Variants in PCDHGA9 observed in about 807,000 individuals in gnomAD.
PCDHGA9 encodes protocadherin gamma subfamily A, 9.
PCDHGA9 carries 37 observed loss-of-function variants against 62.5 expected under a neutral mutation model. The ratio of observed to expected loss-of-function variants is 0.59; its 90% CI spans 0.46 to 0.78. PCDHGA9 has a LOEUF of 0.78. Among genes scored for constraint, PCDHGA9 ranks in the 30% least tolerant of loss-of-function variants. The probability of loss-of-function intolerance (pLI) is 0.00; values close to 1 mark genes in which losing one functional copy is unlikely to be tolerated. For synonymous variants in PCDHGA9, 459 were observed against 484.6 expected (o/e 0.95, Z 0.69); for missense variants, 1,138 against 1,166.2 (o/e 0.98, Z 0.35).
chr5:141,415,496 T>C, intron 1 of PCDHGA9: 1 of 1,614,070 alleles, frequency 6.2e-7, no homozygotes. Flanking sequence ...CACCTGATCT[T>C]CCCCCAGCCC....
Position 141,490,151 on chromosome 5 carries a change from T to A in PCDHGA9, c.2425-4656T>A, listed in dbSNP as rs1449636059. 6.2e-6 allele frequency: 10 copies of A among 1,614,210 alleles called. No homozygotes were observed. The highest frequency in any genetic ancestry group is 8.5e-6 in the Non-Finnish European group (10 of 1,180,018). On this transcript the variant is annotated intron_variant, in intron 1 of 3. Transcript: ENST00000573521. This position sits in a 1 kb window ranked among gnomAD's most constrained non-coding sequence, Gnocchi z 5.4. ...GACCCTAGCAGTGGGGCAATCCATG[T>A]GTTGGGTCCCATAGACTTTGAGGAG... is the stretch of plus-strand genomic sequence containing the variant.
chr5:141,504,956 G>A (rs1327603937), intron 2 of PCDHGA9, among the ~76,000 whole-genome samples: 1 of 152,096 alleles, frequency 6.6e-6, no homozygotes, highest in Non-Finnish European at 1.5e-5. Context: ...TATGTTCAAT[G>A]CATTGGACCA....
intron 1 of PCDHGA9, chr5:141,414,354 T>C (rs1389145668): frequency 1.2e-6 from 2 of 1,613,800 alleles, no homozygotes; most frequent in Admixed American, 1.7e-5. Flanking sequence ...TTTTGGCGTA[T>C]CTACCATTTA....
At position 141,476,668 on chromosome 5, in the gene PCDHGA9, G is replaced by A; in HGVS notation, c.2425-18139G>A. The A allele has an allele frequency of 6.2e-7, 1 of 1,614,262 alleles. No individual in the cohort carries two copies. Among genetic ancestry groups the A allele is most frequent in the Non-Finnish European group, 8.5e-7 (1 of 1,180,054 alleles). On this transcript the variant is annotated intron_variant, in intron 1 of 3. Transcript: ENST00000573521. This position sits in a 1 kb window ranked among gnomAD's most constrained non-coding sequence, Gnocchi z 7.6. ...GAAATGAATACTTTGCGCTTCGCGT[G>A]CAGACGCGGGAGGACAGCACCAAGT...
At chr5:141,414,198 A>G (rs1561747621) in intron 1 of PCDHGA9, 2 of 1,611,542 alleles carry the variant, frequency 1.2e-6, no homozygotes, top group Non-Finnish European at 1.7e-6. Flanking sequence ...TGATTACAGT[A>G]GAAGATGTAA....
intron 1 of PCDHGA9, among the ~76,000 whole-genome samples, chr5:141,479,138 T>G (rs1469363480): frequency 6.6e-6 from 1 of 152,232 alleles, no homozygotes; most frequent in Non-Finnish European, 1.5e-5. Flanking sequence ...GCACCCTGCT[T>G]ACAAAATATT....
In PCDHGA9 at chr5:141,409,805, C is replaced by G. The variant is rs751397816; in HGVS notation, c.2424+4429C>G. ...CGCCTTCGCGCTCACGCTGCAGGCC[C>G]GCGACCACGGCTCGCCCACGCTCAG... On this transcript the variant is annotated intron_variant, in intron 1 of 3. Coordinates refer to ENST00000573521, the MANE Select transcript of PCDHGA9 (RefSeq NM_018921.3). 8 of 1,611,512 alleles carry G rather than the reference C, an allele frequency of 5.0e-6. No individual in the cohort carries two copies. In the African/African-American group the frequency reaches 5.3e-5, roughly 11 times the overall value.
At chr5:141,474,807 A>C (rs945920397) in intron 1 of PCDHGA9, among the ~76,000 whole-genome samples, 8 of 152,364 alleles carry the variant, frequency 5.3e-5, no homozygotes, top group Admixed American at 1.3e-4. Context: ...AGTGGTTTGC[A>C]TCATTAATTG....
Position 141,476,241 on chromosome 5 carries a change from A to G in PCDHGA9, c.2425-18566A>G, listed in dbSNP as rs375405507. ...CACTATGAGATCCCGGAGGAAAGAG[A>G]GAAGGGTTTCGCTGTGGGCAACGTG... On this transcript the variant is annotated intron_variant, in intron 1 of 3. Transcript: ENST00000573521. The surrounding 1 kb of genome is among the most constrained non-coding windows in gnomAD (Gnocchi z 7.6). 3.7e-6 allele frequency: 6 copies of G among 1,613,626 alleles called. No homozygotes were observed. The highest frequency in any genetic ancestry group is 2.2e-5 in the East Asian group (1 of 44,834).
intron 1 of PCDHGA9, chr5:141,414,805 C>T (rs1464881022): frequency 1.2e-6 from 2 of 1,614,224 alleles, no homozygotes; most frequent in Middle Eastern, 1.6e-4. Flanking sequence ...CAGCGGGGAT[C>T]CTCCACTCAG....
chr5:141,489,191 T>C lies in PCDHGA9; in HGVS notation c.2425-5616T>C. On this transcript the variant is annotated intron_variant, in intron 1 of 3. Coordinates refer to ENST00000573521, the MANE Select transcript of PCDHGA9 (RefSeq NM_018921.3). The surrounding 1 kb of genome is among the most constrained non-coding windows in gnomAD (Gnocchi z 4.5). ...CTGCATTCCAAGCCCTGGGTCTACC[T>C]TGGAGACAGGACAGCACAGACTTAC... The C allele has an allele frequency of 7.3e-7, 1 of 1,364,400 alleles. No homozygotes were observed. Among genetic ancestry groups the C allele is most frequent in the Middle Eastern group, 1.9e-4 (1 of 5,334 alleles). The allele number at this position is 1,364,400 out of a possible 1,614,324, so 84.5% of individuals were successfully genotyped here. A position where few individuals can be genotyped will look rare whatever the true frequency, so the allele number is the denominator to read the frequency against.
intron 1 of PCDHGA9, chr5:141,442,449 T>TA (rs1488731055): frequency 6.6e-6 from 1 of 152,210 alleles, no homozygotes; most frequent in African/African-American, 2.4e-5. Context: ...CAGGACTCAA[T>TA]AGCAGTTTCA....
chr5:141,476,412 G>T lies in PCDHGA9; in HGVS notation c.2425-18395G>T. The T allele has an allele frequency of 1.2e-6, 2 of 1,614,140 alleles. No homozygotes were observed. Among genetic ancestry groups the T allele is most frequent in the Non-Finnish European group, 1.7e-6 (2 of 1,180,010 alleles). On this transcript the variant is annotated intron_variant, in intron 1 of 3. Coordinates refer to ENST00000573521, the MANE Select transcript of PCDHGA9 (RefSeq NM_018921.3). The surrounding 1 kb of genome is among the most constrained non-coding windows in gnomAD (Gnocchi z 7.6). ...CGTCTGGATCGAGAGGAGCTGTGTGGGACACTGCCCTCTTGCACTGTAACT... is the reference window on the plus strand; with the variant it reads ...CGTCTGGATCGAGAGGAGCTGTGTGTGACACTGCCCTCTTGCACTGTAACT...
At chr5:141,412,527 A>G (rs1017506409) in intron 1 of PCDHGA9, 3 of 152,186 alleles carry the variant, frequency 2.0e-5, no homozygotes, top group Admixed American at 1.3e-4. Context: ...AGTAGTTACA[A>G]TTATAAAGCT....
chr5:141,431,554 C>A lies in PCDHGA9; in HGVS notation c.2424+26178C>A, dbSNP rs766242338. On this transcript the variant is annotated intron_variant, in intron 1 of 3. Coordinates refer to ENST00000573521, the MANE Select transcript of PCDHGA9 (RefSeq NM_018921.3). The surrounding 1 kb of genome is among the most constrained non-coding windows in gnomAD (Gnocchi z 4.8). ...TGGGCACGCAGCTGCTTGTAGTCAA[C>A]GCTACCGACCCTGACGAAGGAGTCA... 1.2e-6 allele frequency: 2 copies of A among 1,614,008 alleles called. No individual in the cohort carries two copies. Among genetic ancestry groups the A allele is most frequent in the African/African-American group, 1.3e-5 (1 of 74,942 alleles).
At position 141,431,209 on chromosome 5, in the gene PCDHGA9, G is replaced by C; in HGVS notation, c.2424+25833G>C. Reference sequence around the variant, plus strand: ...TTAGTGAAAATGCAGCCACTGAGATGCGGTTCCCTCTACCCCACGCCTGGG... The same window carrying C: ...TTAGTGAAAATGCAGCCACTGAGATCCGGTTCCCTCTACCCCACGCCTGGG... On this transcript the variant is annotated intron_variant, in intron 1 of 3. Coordinates refer to ENST00000573521, the MANE Select transcript of PCDHGA9 (RefSeq NM_018921.3). The surrounding 1 kb of genome is among the most constrained non-coding windows in gnomAD (Gnocchi z 4.8). 6.2e-7 allele frequency: 1 copy of C among 1,614,190 alleles called. No homozygotes were observed. Among genetic ancestry groups the C allele is most frequent in the Non-Finnish European group, 8.5e-7 (1 of 1,180,038 alleles).
At chr5:141,500,355 C>G (rs539892249) in intron 2 of PCDHGA9, among the ~76,000 whole-genome samples, 2 of 151,912 alleles carry the variant, frequency 1.3e-5, no homozygotes, top group Non-Finnish European at 2.9e-5. Flanking sequence ...ACTACAGGCG[C>G]CCACTACCAC....
rs746088761 is a variant in PCDHGA9 at position 141,404,246 on chromosome 5, CT to C, written c.1295del (p.Leu432ArgfsTer11). 9.3e-6 allele frequency: 15 copies of C among 1,613,922 alleles called. 1 individual carries two copies. The highest frequency in any genetic ancestry group is 5.0e-5 in the Admixed American group (3 of 60,012). ...VTATDRGTPP[L>X]STEIHITLQV... Reference sequence around the variant, plus strand: ...TGCAACAGACAGAGGAACTCCGCCCCTGTCCACAGAAATTCACATCACCCTG... The same window carrying C: ...TGCAACAGACAGAGGAACTCCGCCCCGTCCACAGAAATTCACATCACCCTG... On this transcript the variant is annotated frameshift_variant, in exon 1 of 4. Coordinates refer to ENST00000573521, the MANE Select transcript of PCDHGA9 (RefSeq NM_018921.3). LOFTEE classifies it high-confidence loss of function.
chr5:141,473,151 T>C (rs2099315238), intron 1 of PCDHGA9, among the ~76,000 whole-genome samples: 1 of 152,242 alleles, frequency 6.6e-6, no homozygotes. Context: ...TTCAGATCAC[T>C]AGGGCTAGGA....
Sources: gnomAD v4.1 joint callset for allele counts (sites outside exome capture counted in the v4.1 genomes callset) on GRCh38, gnomAD v4.1.1 for gene constraint, Gnocchi (gnomAD v3.1) non-coding constraint, MANE v1.5 for transcripts, NCBI Gene and HGNC (gene_info 2026-07-23, HGNC 2026-07-21) for gene names.